GPR149: variants seen among roughly 807,000 people sequenced by gnomAD.
The protein encoded by GPR149 is probable G protein-coupled receptor 149.
Under a neutral mutation model 50.2 loss-of-function variants are expected in GPR149, and 50 were observed. The observed-to-expected ratio is 1.00, with a 90% CI of 0.79 to 1.26. The LOEUF (loss-of-function observed/expected upper bound fraction) is 1.26, where lower values mean the gene tolerates loss of function less well. GPR149 is among the 50% of genes most tolerant of loss of function. The pLI is 0.00. For missense variants in GPR149, 983 were observed against 895.4 expected, an observed-to-expected ratio of 1.10 and a Z score of -1.25; for synonymous variants, 405 against 358.2, an observed-to-expected ratio of 1.13 and a Z score of -1.48.
rs940674429 is a variant in GPR149, at chr3:154,362,814, A to C, written c.1624-24543T>G. Among the ~76,000 whole-genome samples the C allele has an allele frequency of 2.0e-5, 3 of 152,102 alleles. No homozygotes were observed. In the South Asian group the frequency reaches 6.2e-4, roughly 32 times the overall value. ...TCATGATTTGCATACTTTTTCTTAC[A>C]GTTGTTTTTCCCAAACAAACACTAT... On this transcript the variant is annotated intron_variant, in intron 3 of 3. Transcript: ENST00000389740.
chr3:154,347,651 A>G (rs1713967959), intron 3 of GPR149, among the ~76,000 whole-genome samples: 1 of 152,214 alleles, frequency 6.6e-6, no homozygotes, highest in African/African-American at 2.4e-5. Context: ...AGACAAACAA[A>G]TTTATATGTG....
chr3:154,426,769 T>C (rs538448895), intron 2 of GPR149, among the ~76,000 whole-genome samples: 8 of 152,188 alleles, frequency 5.3e-5, no homozygotes, highest in Non-Finnish European at 1.0e-4. Context: ...TTTAAGTAAA[T>C]AACTTGGCTA....
chr3:154,340,668 T>C (rs775131761), intron 3 of GPR149, among the ~76,000 whole-genome samples: 9 of 151,742 alleles, frequency 5.9e-5, no homozygotes, highest in Non-Finnish European at 1.0e-4. Flanking sequence ...GGAGATGTCA[T>C]ATTGTGGAGG....
At position 154,348,529 on chromosome 3, in the gene GPR149, A is replaced by G. The variant is rs574208165; in HGVS notation, c.1624-10258T>C. 3.3e-5 allele frequency among the ~76,000 whole-genome samples: 5 copies of G among 152,272 alleles called. No homozygotes were observed. In the South Asian group the frequency reaches 1.0e-3, roughly 32 times the overall value. On this transcript the variant is annotated intron_variant, in intron 3 of 3. Coordinates refer to ENST00000389740, the MANE Select transcript of GPR149 (RefSeq NM_001038705.3). The stretch of plus-strand genomic sequence containing the variant: ...ACAGGGAAAATTACTATATAATAAT[A>G]AAGTGATCCATCCACTTAGAAGACA...
intron 3 of GPR149, among the ~76,000 whole-genome samples, chr3:154,369,512 C>G (rs549800855): frequency 1.3e-5 from 2 of 152,300 alleles, no homozygotes; most frequent in Admixed American, 6.5e-5. Context: ...CAACCCCACT[C>G]TCCTCCCCAA....
chr3:154,365,485 C>A (rs1002178704), intron 3 of GPR149, among the ~76,000 whole-genome samples: 3 of 152,172 alleles, frequency 2.0e-5, no homozygotes, highest in African/African-American at 7.2e-5. Context: ...CCCTCCTTAA[C>A]CATACTTTTG....
chr3:154,403,087 T>C (rs1015204240), intron 3 of GPR149, among the ~76,000 whole-genome samples: 3 of 152,172 alleles, frequency 2.0e-5, no homozygotes, highest in African/African-American at 4.8e-5. Context: ...TTTCTAGTAG[T>C]GTATAGCAGG....
chr3:154,361,109 C>G (rs1193322409), intron 3 of GPR149, among the ~76,000 whole-genome samples: 2 of 152,138 alleles, frequency 1.3e-5, no homozygotes, highest in Admixed American at 6.6e-5. Context: ...CCATCCCACA[C>G]AGCAGATACT....
intron 3 of GPR149, among the ~76,000 whole-genome samples, chr3:154,389,545 C>A (rs1223906973): frequency 2.6e-5 from 4 of 152,108 alleles, no homozygotes; most frequent in Non-Finnish European, 4.4e-5. Context: ...AACACTACAG[C>A]CACCTGGGGC....
At chr3:154,428,231 C>T (rs1253539910) in intron 1 of GPR149, among the ~76,000 whole-genome samples, 2 of 152,196 alleles carry the variant, frequency 1.3e-5, no homozygotes, top group Admixed American at 6.5e-5. Flanking sequence ...GCGTCGTCCT[C>T]TCTAGGCGGG....
chr3:154,372,248 T>C (rs1052761976), intron 3 of GPR149, among the ~76,000 whole-genome samples: 7 of 152,194 alleles, frequency 4.6e-5, no homozygotes, highest in Admixed American at 1.3e-4. Flanking sequence ...GGATGAATAA[T>C]ATTGAAGATA....
In GPR149 at chr3:154,421,023, A is replaced by G. The variant is rs115021070; in HGVS notation, c.1623+16T>C. On this transcript the variant is annotated intron_variant, in intron 3 of 3. Coordinates refer to ENST00000389740, the MANE Select transcript of GPR149 (RefSeq NM_001038705.3). ...TATCACTTTCAATTTAACAGCAAGA[A>G]CAACTTTTACTGTACCTGACGAGGG... 8.4e-4 allele frequency: 1,304 copies of G among 1,548,016 alleles called. No homozygotes were observed. In the Middle Eastern group the frequency reaches 0.013, roughly 16 times the overall value.
chr3:154,409,148 C>T (rs1020640203), intron 3 of GPR149, among the ~76,000 whole-genome samples: 1 of 152,198 alleles, frequency 6.6e-6, no homozygotes, highest in South Asian at 2.1e-4. Context: ...ACAGTTTGGC[C>T]TCTGGAAGCC....
At chr3:154,394,973 C>T (rs973610075) in intron 3 of GPR149, among the ~76,000 whole-genome samples, 2 of 152,114 alleles carry the variant, frequency 1.3e-5, no homozygotes, top group African/African-American at 4.8e-5. Context: ...TAACTCCTCC[C>T]TTCTTTATTT....
chr3:154,417,911 A>G lies in GPR149; in HGVS notation c.1623+3128T>C, dbSNP rs139910322. On this transcript the variant is annotated intron_variant, in intron 3 of 3. Transcript: ENST00000389740. ...GCTAGCATTTTAAATTACAATGTGA[A>G]CATTTTAAACTTTGTGATTTAGAAT... Among the ~76,000 whole-genome samples, 251 of 152,276 alleles carry G rather than the reference A, an allele frequency of 1.6e-3. 3 individuals carry two copies. Among genetic ancestry groups the G allele is most frequent in the African/African-American group, 5.7e-3 (237 of 41,560 alleles).
chr3:154,336,384 A>G lies in GPR149; in HGVS notation c.*1315T>C, dbSNP rs1193754265. On this transcript the variant is annotated 3_prime_UTR_variant, in exon 4 of 4. Transcript: ENST00000389740. ...ATTCATTCAATCTGTAAATAAATAA[A>G]TAAAGTATGTGAGTGATGTGAGGGG... 1 of 152,144 alleles carries G rather than the reference A, an allele frequency of 6.6e-6. No individual in the cohort carries two copies. The highest frequency in any genetic ancestry group is 2.4e-5 in the African/African-American group (1 of 41,460). The allele number at this position is 152,144 out of a possible 1,614,324, so 9.4% of individuals were successfully genotyped here. A position where few individuals can be genotyped will look rare whatever the true frequency, so the allele number is the denominator to read the frequency against.
intron 3 of GPR149, among the ~76,000 whole-genome samples, chr3:154,357,406 T>C (rs1404314196): frequency 1.3e-5 from 2 of 151,690 alleles, no homozygotes; most frequent in East Asian, 3.9e-4. Context: ...ACCTACAAAA[T>C]GGGAGAAAAT....
chr3:154,388,654 G>T (rs1207415332), intron 3 of GPR149, among the ~76,000 whole-genome samples: 1 of 152,058 alleles, frequency 6.6e-6, no homozygotes, highest in Non-Finnish European at 1.5e-5. Flanking sequence ...ACAGAGGCAG[G>T]CAGGCTATAA....
chr3:154,409,011 G>A (rs938129833), intron 3 of GPR149, among the ~76,000 whole-genome samples: 1 of 152,212 alleles, frequency 6.6e-6, no homozygotes, highest in South Asian at 2.1e-4. Context: ...AGCAGTTGCT[G>A]GTATCCGTGT....
Sources: allele counts gnomAD v4.1 joint callset (sites outside exome capture counted in the v4.1 genomes callset), GRCh38; gene constraint gnomAD v4.1.1; transcripts MANE v1.5; gene names NCBI Gene and HGNC (gene_info 2026-07-23, HGNC 2026-07-21).